STAG1: variants seen among roughly 807,000 people sequenced by gnomAD.
STAG1 encodes the protein STAG1 cohesin complex component, also known as cohesin subunit SA-1.
In STAG1, 26 loss-of-function variants were observed where a neutral mutation model predicts 170.9. The ratio of observed to expected loss-of-function variants is 0.15; its 90% CI spans 0.11 to 0.21. The LOEUF (loss-of-function observed/expected upper bound fraction) is 0.21. STAG1 is among the 10% of genes least tolerant of loss of function. The pLI is 1.00. For synonymous variants in STAG1, 514 were observed against 497.7 expected (o/e 1.03, Z -0.44); for missense variants, 964 against 1,509.5 (o/e 0.64, Z 5.99).
chr3:136,606,050 CAA>C (rs561732159), intron 3 of STAG1, among the ~76,000 whole-genome samples: 204 of 145,210 alleles, frequency 1.4e-3, no homozygotes, highest in South Asian at 9.8e-3. Context: ...TTCAGATTTA[CAA>C]AAAAAAAAGT....
At chr3:136,636,571 G>C (rs1940569258) in intron 1 of STAG1, among the ~76,000 whole-genome samples, 2 of 152,076 alleles carry the variant, frequency 1.3e-5, no homozygotes, top group Admixed American at 6.5e-5. Flanking sequence ...TCAACCATGG[G>C]TTCTTGGAAA....
chr3:136,729,702 A>G (rs1933895624), intron 1 of STAG1, among the ~76,000 whole-genome samples: 1 of 149,812 alleles, frequency 6.7e-6, no homozygotes, highest in Non-Finnish European at 1.5e-5. Context: ...CCTCTCGAGT[A>G]GCTGGGATTA....
intron 14 of STAG1, among the ~76,000 whole-genome samples, chr3:136,450,686 G>C (rs2088910970): frequency 6.6e-6 from 1 of 152,140 alleles, no homozygotes; most frequent in African/African-American, 2.4e-5. Context: ...AAATAAAATT[G>C]AGAGTCCTAG....
intron 21 of STAG1, among the ~76,000 whole-genome samples, chr3:136,417,138 G>A (rs1486769947): frequency 6.6e-6 from 1 of 152,018 alleles, no homozygotes; most frequent in African/African-American, 2.4e-5. Context: ...GTGAACCACT[G>A]TGCCCAGCCC....
At chr3:136,414,686 T>G (rs1181736574) in intron 21 of STAG1, among the ~76,000 whole-genome samples, 1 of 152,214 alleles carries the variant, frequency 6.6e-6, no homozygotes, top group East Asian at 1.9e-4. Flanking sequence ...TTCTCAATTT[T>G]CTTGCCCAGA....
chr3:136,606,663 A>G (rs1181739793), intron 3 of STAG1, among the ~76,000 whole-genome samples: 1 of 151,904 alleles, frequency 6.6e-6, no homozygotes, highest in Non-Finnish European at 1.5e-5. Flanking sequence ...GCATTTTCTA[A>G]TAGGTTCCTC....
At chr3:136,473,227 G>A (rs1381063414) in intron 11 of STAG1, among the ~76,000 whole-genome samples, 1 of 152,062 alleles carries the variant, frequency 6.6e-6, no homozygotes, top group African/African-American at 2.4e-5. Context: ...CAAGTTCAGG[G>A]CTGCAATGAT....
At chr3:136,346,248 A>T (rs935294405) in intron 29 of STAG1, among the ~76,000 whole-genome samples, 1 of 152,244 alleles carries the variant, frequency 6.6e-6, no homozygotes, top group Non-Finnish European at 1.5e-5. Context: ...TGTAGTACTT[A>T]GCACAGTTCT....
intron 1 of STAG1, among the ~76,000 whole-genome samples, chr3:136,714,645 A>G (rs1346920401): frequency 1.3e-5 from 2 of 151,530 alleles, no homozygotes; most frequent in African/African-American, 4.8e-5. Flanking sequence ...GGAGAATGGC[A>G]TGAACCCAGG....
intron 1 of STAG1, among the ~76,000 whole-genome samples, chr3:136,714,083 AG>A (rs1653561392): frequency 1.3e-5 from 2 of 152,064 alleles, no homozygotes; most frequent in Admixed American, 6.6e-5. Context: ...GCTCATGCTC[AG>A]GAAGAACCAC....
chr3:136,721,416 A>G (rs1371882207), intron 1 of STAG1: 1 of 152,194 alleles, frequency 6.6e-6, no homozygotes, highest in Admixed American at 6.5e-5. Flanking sequence ...CTCTTTTTAC[A>G]TTATTTTTTT....
At chr3:136,482,001 A>T (rs2089918634) in intron 9 of STAG1, among the ~76,000 whole-genome samples, 1 of 50,704 alleles carries the variant, frequency 2.0e-5, no homozygotes, top group Non-Finnish European at 4.2e-5. Context: ...GCGGTCTATC[A>T]ATTTTGTTGA....
chr3:136,354,331 C>T (rs1220004880), intron 28 of STAG1, among the ~76,000 whole-genome samples: 2 of 152,160 alleles, frequency 1.3e-5, no homozygotes, highest in Admixed American at 6.6e-5. Context: ...CGCACTCTAT[C>T]GTCCAGGGTG....
At chr3:136,377,625 G>T in intron 23 of STAG1, 35 bp downstream of exon 23, 3 of 1,542,894 alleles carry the variant, frequency 1.9e-6, no homozygotes, top group African/African-American at 1.4e-5. Flanking sequence ...TATTTGAGTT[G>T]ATTTTATTGA....
chr3:136,601,047 G>C (rs1938651752), intron 4 of STAG1, among the ~76,000 whole-genome samples: 1 of 151,882 alleles, frequency 6.6e-6, no homozygotes, highest in African/African-American at 2.4e-5. Flanking sequence ...TTTTAGTAGA[G>C]ACAGGGTTTC....
At chr3:136,685,174 G>A (rs911473922) in intron 1 of STAG1, among the ~76,000 whole-genome samples, 3 of 152,052 alleles carry the variant, frequency 2.0e-5, no homozygotes, top group African/African-American at 7.2e-5. Context: ...AAATTAGCCG[G>A]ATGTGGTGGC....
At chr3:136,598,671 C>T (rs1938539054) in intron 4 of STAG1, among the ~76,000 whole-genome samples, 1 of 152,104 alleles carries the variant, frequency 6.6e-6, no homozygotes, top group African/African-American at 2.4e-5. Context: ...TGTGATCTGC[C>T]CACCTCGGCC....
chr3:136,341,412 G>T, intron 31 of STAG1, 29 bp downstream of exon 31: 1 of 1,402,868 alleles, frequency 7.1e-7, no homozygotes, highest in Non-Finnish European at 1.0e-6. Context: ...TAGTTGTTAT[G>T]TTCTTGTGAT....
chr3:136,493,670 AAAAAC>A (rs1273497619), intron 9 of STAG1, among the ~76,000 whole-genome samples: 1 of 151,504 alleles, frequency 6.6e-6, no homozygotes, highest in African/African-American at 2.4e-5. Context: ...AAAAAAAAAA[AAAAAC>A]AACACAAATA....
Sources: gnomAD v4.1 joint callset for allele counts (sites outside exome capture counted in the v4.1 genomes callset) on GRCh38, gnomAD v4.1.1 for gene constraint, MANE v1.5 for transcripts, NCBI Gene and HGNC (gene_info 2026-07-23, HGNC 2026-07-21) for gene names.